The following PDK3 variants were observed in gnomAD, a reference collection of about 807,000 sequenced individuals.
PDK3 encodes pyruvate dehydrogenase kinase 3.
Under a neutral mutation model 32.0 loss-of-function variants are expected in PDK3, and 12 were observed. The observed-to-expected ratio is 0.37, with a 90% confidence interval of 0.24 to 0.61. The LOEUF (loss-of-function observed/expected upper bound fraction) is 0.61. Ranked by LOEUF, PDK3 falls within the 20% of genes least tolerant of loss-of-function variation. The pLI, the probability that PDK3 is intolerant of heterozygous loss-of-function variation, is 0.65. For missense variants in PDK3, 188 were observed against 316.9 expected (o/e 0.59, Z 3.09); for synonymous variants, 122 against 116.3 (o/e 1.05, Z -0.31).
intron 6 of PDK3, among the ~76,000 whole-genome samples, chrX:24,524,517 C>T (rs1455158822): frequency 1.8e-5 from 2 of 111,823 alleles, no homozygotes; most frequent in Non-Finnish European, 1.9e-5. Context: ...GGAACATTCT[C>T]CTCCAAGGGA....
chrX:24,526,978 A>G (rs919013366), intron 7 of PDK3, among the ~76,000 whole-genome samples: 25 of 112,615 alleles, frequency 2.2e-4, no homozygotes, highest in Non-Finnish European at 4.3e-4. Flanking sequence ...TTTGCTTCCA[A>G]AAATTAGAAT....
chrX:24,465,410 C>A lies in PDK3; in HGVS notation c.-46C>A, dbSNP rs764816292. On this transcript the variant is annotated 5_prime_UTR_variant, in exon 1 of 11. Coordinates refer to ENST00000379162, the MANE Select transcript of PDK3 (RefSeq NM_005391.5). ...TGCGGCTTGGCTGCGCCAGCCCTTG[C>A]GGCCACCCGGGCGTCTAGGCGGGTC... is the stretch of plus-strand genomic sequence containing the variant. The A allele has an allele frequency of 1.5e-5, 15 of 1,003,113 alleles. No individual in the cohort carries two copies. In the South Asian group the frequency reaches 2.4e-4, roughly 16 times the overall value. The allele number at this position is 1,003,113 out of a possible 1,213,427, so 82.7% of individuals were successfully genotyped here. A position where few individuals can be genotyped will look rare whatever the true frequency, so the allele number is the denominator to read the frequency against.
Position 24,505,199 on chromosome X carries a change from G to A in PDK3, c.506-10G>A. On this transcript the variant is annotated splice_polypyrimidine_tract_variant and intron_variant, in intron 4 of 10. Transcript: ENST00000379162. The stretch of plus-strand genomic sequence containing the variant: ...TTTAATCCCCTCCCTTTCCTTTTGT[G>A]TTCGTCTAGCACTTCTGTTTGGGGG... 8.4e-7 allele frequency: 1 copy of A among 1,186,620 alleles called. No individual in the cohort carries two copies. The highest frequency in any genetic ancestry group is 1.1e-6 in the Non-Finnish European group (1 of 876,434).
exon 12 of PDK3, among the ~76,000 whole-genome samples, chrX:24,544,855 T>G (rs1922964557): frequency 8.9e-6 from 1 of 112,150 alleles, no homozygotes; most frequent in East Asian, 2.8e-4. Context: ...GCTTAAACAT[T>G]GACTTTGAAG....
intron 5 of PDK3, chrX:24,513,605 T>C (rs1569225109): frequency 8.6e-6 from 1 of 116,382 alleles, no homozygotes; most frequent in Non-Finnish European, 1.8e-5. Flanking sequence ...AAGCGATTCA[T>C]TGTGAAACAA....
intron 1 of PDK3, among the ~76,000 whole-genome samples, chrX:24,486,943 A>G (rs1193513165): frequency 8.9e-6 from 1 of 111,848 alleles, no homozygotes; most frequent in Non-Finnish European, 1.9e-5. Context: ...TAACCAAAAC[A>G]TGGTCTGGCC....
intron 6 of PDK3, among the ~76,000 whole-genome samples, chrX:24,524,345 GCTGGAAGTAGGTATGGAAA>G (rs1423982525): frequency 8.9e-6 from 1 of 111,965 alleles, no homozygotes; most frequent in Admixed American, 9.5e-5. Context: ...AGGTATGGAA[GCTGGAAGTAGGTATGGAAA>G]CTGGAAGTAG....
intron 2 of PDK3, among the ~76,000 whole-genome samples, chrX:24,497,581 C>T (rs748223479): frequency 1.9e-4 from 22 of 113,051 alleles, no homozygotes; most frequent in African/African-American, 7.1e-4. Context: ...CTAACACGCC[C>T]AGCCCCCAGA....
At position 24,531,987 on chromosome X, in the gene PDK3, C is replaced by T. The variant is rs146032167; in HGVS notation, c.1077+217C>T. 9.5e-3 allele frequency among the ~76,000 whole-genome samples: 1,064 copies of T among 111,884 alleles called. 16 individuals are homozygous for T. The highest frequency in any genetic ancestry group is 0.033 in the African/African-American group (1,014 of 30,757). On this transcript the variant is annotated intron_variant, in intron 10 of 10. Transcript: ENST00000379162. ...TAGAAATTAAAATACTGATTTTGGC[C>T]GGGCGTGGTGGCACATGCCTGTAAT...
At chrX:24,469,281 A>G (rs1938542640) in intron 1 of PDK3, among the ~76,000 whole-genome samples, 1 of 111,617 alleles carries the variant, frequency 9.0e-6, no homozygotes, top group South Asian at 3.7e-4. Context: ...AGGTATGTGC[A>G]TTTGTAATTT....
At chrX:24,526,343 A>T (rs1346325194) in intron 7 of PDK3, 69 bp downstream of exon 7, 2 of 637,829 alleles carry the variant, frequency 3.1e-6, no homozygotes, top group Admixed American at 2.9e-5. Context: ...GGCATAATGG[A>T]TTCATTAGAT....
intron 9 of PDK3, among the ~76,000 whole-genome samples, chrX:24,531,049 TTGTGTGTGTG>T (rs760426568): frequency 1.3e-4 from 13 of 98,168 alleles, no homozygotes; most frequent in African/African-American, 4.9e-4. Flanking sequence ...GAATGTGCTT[TTGTGTGTGTG>T]TGTGTGTGTG....
chrX:24,521,451 G>A (rs1922395419), intron 6 of PDK3, among the ~76,000 whole-genome samples: 1 of 110,846 alleles, frequency 9.0e-6, no homozygotes, highest in Non-Finnish European at 1.9e-5. Flanking sequence ...AAGGTCTCTT[G>A]GGTTCTCTGA....
At chrX:24,476,871 C>A (rs781508201) in intron 1 of PDK3, among the ~76,000 whole-genome samples, 1 of 112,087 alleles carries the variant, frequency 8.9e-6, no homozygotes, top group Non-Finnish European at 1.9e-5. Context: ...GACTATATGG[C>A]CCACAAAGCC....
At chrX:24,502,160 C>T (rs960750454) in intron 3 of PDK3, among the ~76,000 whole-genome samples, 1 of 111,519 alleles carries the variant, frequency 9.0e-6, no homozygotes, top group African/African-American at 3.3e-5. Context: ...TTAGAACAGC[C>T]CTCCTTATCC....
intron 5 of PDK3, among the ~76,000 whole-genome samples, chrX:24,506,070 A>G (rs1006538738): frequency 9.0e-6 from 1 of 111,610 alleles, no homozygotes; most frequent in African/African-American, 3.3e-5. Flanking sequence ...ATCTTCATCA[A>G]GGATCTTCAT....
intron 5 of PDK3, among the ~76,000 whole-genome samples, chrX:24,514,976 G>A (rs964270329): frequency 4.5e-5 from 5 of 111,762 alleles, no homozygotes; most frequent in Admixed American, 9.6e-5. Context: ...CTAGTTCCCA[G>A]TCTCACCAAA....
At chrX:24,541,485 A>G (rs953314411) in exon 12 of PDK3, among the ~76,000 whole-genome samples, 2 of 112,138 alleles carry the variant, frequency 1.8e-5, no homozygotes, top group Admixed American at 1.9e-4. Flanking sequence ...GTGTTTTTCA[A>G]AAGTAAAGAT....
chrX:24,495,872 C>G (rs934259047), intron 2 of PDK3, among the ~76,000 whole-genome samples: 11 of 112,120 alleles, frequency 9.8e-5, no homozygotes, highest in African/African-American at 3.6e-4. Flanking sequence ...AGCATAAACT[C>G]AGGTGTGGTC....
Sources: allele counts gnomAD v4.1 joint callset (sites outside exome capture counted in the v4.1 genomes callset), GRCh38; gene constraint gnomAD v4.1.1; transcripts MANE v1.5; gene names NCBI Gene and HGNC (gene_info 2026-07-23, HGNC 2026-07-21).